The following CALN1 variants were observed in gnomAD, a reference collection of about 807,000 sequenced individuals.
The protein encoded by CALN1 is calneuron 1, also known as calcium-binding protein 8.
A neutral mutation model predicts 30.6 loss-of-function variants in CALN1; 17 were observed. The ratio of observed to expected loss-of-function variants is 0.56; its 90% CI spans 0.38 to 0.83. The LOEUF is 0.83. CALN1 is among the 40% of genes least tolerant of loss of function. The pLI, the probability that CALN1 is intolerant of heterozygous loss-of-function variation, is 0.00. For synonymous variants in CALN1, 156 were observed against 131.4 expected (o/e 1.19, Z -1.28); for missense variants, 291 against 354.9 (o/e 0.82, Z 1.45).
At chr7:72,319,521 G>C (rs918186504) in intron 2 of CALN1, among the ~76,000 whole-genome samples, 13 of 152,134 alleles carry the variant, frequency 8.5e-5, no homozygotes, top group Admixed American at 7.2e-4. Context: ...AATGAGATTT[G>C]GGTGGGGACA....
At chr7:72,471,205 A>C in the CALN1 span, among the ~76,000 whole-genome samples, 4 of 152,184 alleles carry the variant, frequency 2.6e-5, no homozygotes, top group African/African-American at 9.7e-5. Flanking sequence ...TTTCTATTAA[A>C]GGAACAGGCA....
Position 72,144,666 on chromosome 7 carries a change from A to G in CALN1, c.245-38372T>C, listed in dbSNP as rs1810215731. Among the ~76,000 whole-genome samples the G allele has an allele frequency of 2.6e-5, 4 of 152,218 alleles. No individual in the cohort carries two copies. In the South Asian group the frequency reaches 8.3e-4, roughly 32 times the overall value. ...ACTCTCCACCCAAAATCAACAGACT[A>G]TACATTCTTCTCAGCACCACACTGC... is the stretch of plus-strand genomic sequence containing the variant. On this transcript the variant is annotated intron_variant, in intron 3 of 6. Coordinates refer to ENST00000395275, the MANE Select transcript of CALN1 (RefSeq NM_031468.4).
chr7:72,370,707 T>C (rs982907377), intron 2 of CALN1, among the ~76,000 whole-genome samples: 18 of 152,034 alleles, frequency 1.2e-4, no homozygotes, highest in African/African-American at 4.3e-4. Flanking sequence ...AAATTTTTTT[T>C]CTGAGTTCAT....
At chr7:72,292,993 G>A (rs1180464800) in intron 2 of CALN1, among the ~76,000 whole-genome samples, 2 of 151,952 alleles carry the variant, frequency 1.3e-5, no homozygotes, top group South Asian at 4.2e-4. Context: ...GAGCTTTCTG[G>A]GGGGCAGGGA....
chr7:71,924,193 CAAAAAAAAAA>C lies in CALN1; in HGVS notation c.501+99454_501+99463del, dbSNP rs200454649. Among the ~76,000 whole-genome samples, 116 of 76,852 alleles carry C rather than the reference CAAAAAAAAAA, an allele frequency of 1.5e-3. 1 individual carries two copies. The highest frequency in any genetic ancestry group is 5.3e-3 in the African/African-American group (111 of 20,856). The allele number at this position is 76,852 out of a possible 152,430, so 50.4% of individuals were successfully genotyped here. On this transcript the variant is annotated intron_variant, in intron 5 of 6. Transcript: ENST00000395275. ...AGGCGACAAGAGTGAAACTCAGTCT[CAAAAAAAAAA>C]AAAAAAAAAAAGATTAGGATTAGGA...
intron 3 of CALN1, among the ~76,000 whole-genome samples, chr7:72,145,846 T>C (rs1411086316): frequency 6.6e-6 from 1 of 152,174 alleles, no homozygotes; most frequent in Non-Finnish European, 1.5e-5. Context: ...TAATCCAGCA[T>C]ATAAACAGAA....
At position 72,164,714 on chromosome 7, in the gene CALN1, T is replaced by C. The variant is rs1297957274; in HGVS notation, c.245-58420A>G. Among the ~76,000 whole-genome samples, 5 of 152,196 alleles carry C rather than the reference T, an allele frequency of 3.3e-5. No individual in the cohort carries two copies. In the East Asian group the frequency reaches 9.6e-4, roughly 29 times the overall value. On this transcript the variant is annotated intron_variant, in intron 3 of 6. Coordinates refer to ENST00000395275, the MANE Select transcript of CALN1 (RefSeq NM_031468.4). ...GTTTCAGAGACAGGGTTTCCCTCTG[T>C]CACCCAGGCTGGAGGGCAGTGGCAT...
At chr7:71,884,396 G>A (rs745312936) in intron 5 of CALN1, among the ~76,000 whole-genome samples, 14 of 152,048 alleles carry the variant, frequency 9.2e-5, no homozygotes, top group East Asian at 3.9e-4. Context: ...TGGACAGGGC[G>A]GACACATCAT....
At chr7:72,292,256 C>G (rs1198000517) in intron 2 of CALN1, among the ~76,000 whole-genome samples, 7 of 151,850 alleles carry the variant, frequency 4.6e-5, no homozygotes, top group Non-Finnish European at 1.0e-4. Flanking sequence ...AGGGTGCCAG[C>G]TTGATCAAAT....
At chr7:72,126,032 C>T (rs1048232555) in intron 3 of CALN1, among the ~76,000 whole-genome samples, 5 of 152,064 alleles carry the variant, frequency 3.3e-5, no homozygotes, top group African/African-American at 1.2e-4. Context: ...AACTCCTGAC[C>T]TCATGATCCG....
chr7:72,104,945 A>C (rs1806973323), intron 4 of CALN1, among the ~76,000 whole-genome samples: 1 of 152,086 alleles, frequency 6.6e-6, no homozygotes, highest in Non-Finnish European at 1.5e-5. Context: ...CGACAGAGAG[A>C]GACTCCGTCT....
intron 1 of CALN1, among the ~76,000 whole-genome samples, chr7:72,410,936 A>G (rs539180400): frequency 2.6e-5 from 4 of 151,796 alleles, no homozygotes; most frequent in Admixed American, 2.6e-4. Flanking sequence ...AATTAGAGGC[A>G]TAAGATGGGA....
chr7:72,160,974 C>A (rs1402519142), intron 3 of CALN1, among the ~76,000 whole-genome samples: 1 of 152,150 alleles, frequency 6.6e-6, no homozygotes, highest in African/African-American at 2.4e-5. Flanking sequence ...GGAACTCAAT[C>A]TTGGTCAATG....
At chr7:72,167,671 A>C (rs1788625304) in intron 3 of CALN1, among the ~76,000 whole-genome samples, 1 of 152,338 alleles carries the variant, frequency 6.6e-6, no homozygotes, top group Admixed American at 6.5e-5. Context: ...ACTGCTAGTC[A>C]CATGCTCTGT....
rs756151569 is a variant in CALN1, at chr7:72,111,209, C to T, written c.245-4915G>A. ...TCTTTGTGGGCCACAGAAATGCTCT[C>T]TGCAATGGTGATAGGAACCTGTCCA... On this transcript the variant is annotated intron_variant, in intron 3 of 6. Transcript: ENST00000395275. Among the ~76,000 whole-genome samples, 48 of 152,178 alleles carry T rather than the reference C, an allele frequency of 3.2e-4. 1 individual carries two copies. The highest frequency in any genetic ancestry group is 2.1e-4 in the South Asian group (1 of 4,826).
At position 72,445,751 on chromosome 7, in the gene CALN1, C is replaced by T. The variant is rs375091158; in HGVS notation, c.-226+1291G>A. Among the ~76,000 whole-genome samples, 55 of 152,192 alleles carry T rather than the reference C, an allele frequency of 3.6e-4. 2 individuals carry two copies. The South Asian group carries it at 0.011, about 32-fold the overall frequency. ...TCTGGGAAGCAGACAGGCTGACTTC[C>T]GGGACATTCATCCAGAGAAAGTGCC... On this transcript the variant is annotated intron_variant, in intron 1 of 6. Transcript: ENST00000395276.
intron 5 of CALN1, among the ~76,000 whole-genome samples, chr7:72,014,730 T>C (rs1020531413): frequency 5.3e-5 from 8 of 152,086 alleles, no homozygotes; most frequent in African/African-American, 9.7e-5. Context: ...GGCATGATCA[T>C]GGCTCCCTGC....
chr7:72,190,114 G>C (rs1790496043), intron 3 of CALN1, among the ~76,000 whole-genome samples: 1 of 152,184 alleles, frequency 6.6e-6, no homozygotes, highest in Non-Finnish European at 1.5e-5. Flanking sequence ...CCAGCATTTT[G>C]GGAGGCCGAG....
chr7:71,940,466 ATCAGGCTTATG>A (rs1286022271), intron 5 of CALN1, among the ~76,000 whole-genome samples: 2 of 152,224 alleles, frequency 1.3e-5, no homozygotes, highest in African/African-American at 2.4e-5. Flanking sequence ...TGTGGAAAAT[ATCAGGCTTATG>A]TCAATGCACT....
Sources: allele counts gnomAD v4.1 joint callset (sites outside exome capture counted in the v4.1 genomes callset), GRCh38; gene constraint gnomAD v4.1.1; transcripts MANE v1.5; gene names NCBI Gene and HGNC (gene_info 2026-07-23, HGNC 2026-07-21).